CIMAP3: variants seen among roughly 807,000 people sequenced by gnomAD.
CIMAP3 encodes ciliary microtubule associated protein 3, also known as ciliary microtubule-associated protein 3.
the CIMAP3 span, among the ~76,000 whole-genome samples, chr1:111,350,770 A>G: frequency 6.6e-6 from 1 of 152,246 alleles, no homozygotes; most frequent in African/African-American, 2.4e-5. Context: ...GGGTATTAAA[A>G]TAGAATCAAT....
chr1:111,346,651 C>G, the CIMAP3 span: 1 of 1,614,072 alleles, frequency 6.2e-7, no homozygotes, highest in Non-Finnish European at 8.5e-7. Context: ...TAGCAGCTCG[C>G]GATGTGCTTC....
the CIMAP3 span, among the ~76,000 whole-genome samples, chr1:111,340,099 A>G: frequency 7.9e-5 from 12 of 152,226 alleles, no homozygotes; most frequent in South Asian, 1.0e-3. Flanking sequence ...AAAACAAGCA[A>G]TGGGGAAAGG....
chr1:111,347,591 A>C, the CIMAP3 span: 1 of 838,102 alleles, frequency 1.2e-6, no homozygotes, highest in Admixed American at 2.1e-5. Flanking sequence ...GATGGCCCTG[A>C]TGTTCTCTGA....
At chr1:111,346,624 T>G in the CIMAP3 span, 5 of 1,613,838 alleles carry the variant, frequency 3.1e-6, no homozygotes, top group Admixed American at 6.7e-5. Context: ...GGCAACGCAG[T>G]ACACAAGTGC....
the CIMAP3 span, chr1:111,351,171 T>A: frequency 2.0e-6 from 1 of 506,478 alleles, no homozygotes; most frequent in Non-Finnish European, 2.9e-6. Context: ...GTACAGTTTT[T>A]TTTTTTTTTT....
the CIMAP3 span, among the ~76,000 whole-genome samples, chr1:111,330,375 T>C: frequency 6.6e-6 from 1 of 152,188 alleles, no homozygotes; most frequent in Admixed American, 6.5e-5. Context: ...TCTGGATGTG[T>C]TCACCAGGCT....
chr1:111,348,367 C>T, the CIMAP3 span: 30 of 780,064 alleles, frequency 3.8e-5, no homozygotes, highest in Admixed American at 3.1e-4. Context: ...TTCTACCTAC[C>T]GAAGACTTAT....
chr1:111,345,118 T>C, the CIMAP3 span, among the ~76,000 whole-genome samples: 1,206 of 152,316 alleles, frequency 7.9e-3, 16 homozygotes, highest in African/African-American at 0.027. Context: ...TCTATGACGT[T>C]CGCAAAACAA....
At chr1:111,338,725 C>A in the CIMAP3 span, among the ~76,000 whole-genome samples, 1 of 151,892 alleles carries the variant, frequency 6.6e-6, no homozygotes, top group Non-Finnish European at 1.5e-5. Context: ...GCTTACCAAC[C>A]AAAAAGAGTC....
chr1:111,331,169 A>G, the CIMAP3 span, among the ~76,000 whole-genome samples: 1 of 152,186 alleles, frequency 6.6e-6, no homozygotes, highest in African/African-American at 2.4e-5. Context: ...TGACAATTTG[A>G]ATATAATGTG....
chr1:111,332,793 C>T, the CIMAP3 span, among the ~76,000 whole-genome samples: 1 of 152,122 alleles, frequency 6.6e-6, no homozygotes, highest in Non-Finnish European at 1.5e-5. Flanking sequence ...AGGTGACCCA[C>T]AGGATAGTTT....
the CIMAP3 span, among the ~76,000 whole-genome samples, chr1:111,332,392 C>A: frequency 6.6e-6 from 1 of 152,166 alleles, no homozygotes; most frequent in African/African-American, 2.4e-5. Flanking sequence ...GGTCATATGG[C>A]TTCTTGGCTG....
chr1:111,347,848 A>T, the CIMAP3 span: 1 of 1,047,822 alleles, frequency 9.5e-7, no homozygotes, highest in East Asian at 2.4e-5. Flanking sequence ...AGAGAGCAAG[A>T]GGGGGGTGAT....
the CIMAP3 span, among the ~76,000 whole-genome samples, chr1:111,337,871 A>G: frequency 2.0e-5 from 3 of 151,690 alleles, no homozygotes; most frequent in Non-Finnish European, 4.4e-5. Context: ...AGAACTCTCC[A>G]CACCAAATCA....
chr1:111,334,196 G>T, the CIMAP3 span, among the ~76,000 whole-genome samples: 6 of 152,126 alleles, frequency 3.9e-5, no homozygotes, highest in African/African-American at 1.4e-4. Context: ...GGTAGAAAAG[G>T]CTGGACGAAA....
the CIMAP3 span, among the ~76,000 whole-genome samples, chr1:111,343,233 A>G: frequency 6.6e-6 from 1 of 152,198 alleles, no homozygotes; most frequent in Non-Finnish European, 1.5e-5. Context: ...TTATTATTTA[A>G]TTCAATAATT....
the CIMAP3 span, among the ~76,000 whole-genome samples, chr1:111,325,088 T>A: frequency 6.6e-6 from 1 of 152,210 alleles, no homozygotes; most frequent in African/African-American, 2.4e-5. Flanking sequence ...AAACCTGCAC[T>A]GTTTCTTCAT....
the CIMAP3 span, chr1:111,324,767 T>C: frequency 1.0e-6 from 1 of 985,298 alleles, no homozygotes. Flanking sequence ...CCTGAGGACC[T>C]GTTCTTGCCC....
the CIMAP3 span, chr1:111,346,845 C>T: frequency 6.3e-7 from 1 of 1,593,522 alleles, no homozygotes; most frequent in Non-Finnish European, 8.6e-7. Flanking sequence ...ACCTTCCCCT[C>T]CCGGAACGCG....
Sources: allele counts gnomAD v4.1 joint callset (sites outside exome capture counted in the v4.1 genomes callset), GRCh38; gene constraint gnomAD v4.1.1; transcripts MANE v1.5; gene names NCBI Gene and HGNC (gene_info 2026-07-23, HGNC 2026-07-21).